MOGAT1: variants seen among roughly 807,000 people sequenced by gnomAD.
MOGAT1 encodes 2-acylglycerol O-acyltransferase 1.
A neutral mutation model predicts 31.4 loss-of-function variants in MOGAT1; 32 were observed. The ratio of observed to expected loss-of-function variants is 1.02; its 90% CI spans 0.77 to 1.37. MOGAT1 has a LOEUF of 1.37. Ranked by LOEUF, MOGAT1 falls within the 40% of genes most tolerant of loss-of-function variation. MOGAT1 has a pLI of 0.00. For synonymous variants in MOGAT1, 145 were observed against 144.5 expected (o/e 1.00, Z -0.03); for missense variants, 426 against 402.0 (o/e 1.06, Z -0.51).
At chr2:222,705,337 G>A (rs553703484) in intron 5 of MOGAT1, among the ~76,000 whole-genome samples, 1 of 152,306 alleles carries the variant, frequency 6.6e-6, no homozygotes, top group South Asian at 2.1e-4. Flanking sequence ...AACCATCTGG[G>A]AATGCAGCCC....
chr2:222,680,194 C>G (rs1218496832), intron 1 of MOGAT1, among the ~76,000 whole-genome samples: 4 of 152,192 alleles, frequency 2.6e-5, no homozygotes, highest in Non-Finnish European at 5.9e-5. Context: ...TAACATTACG[C>G]AAGGGATTCT....
intron 3 of MOGAT1, among the ~76,000 whole-genome samples, chr2:222,694,150 A>G (rs1257521556): frequency 6.6e-6 from 1 of 152,182 alleles, no homozygotes; most frequent in Non-Finnish European, 1.5e-5. Context: ...CATTTTAAAG[A>G]CCTAGCCCAT....
intron 2 of MOGAT1, among the ~76,000 whole-genome samples, chr2:222,688,956 T>C (rs1254185471): frequency 5.3e-5 from 8 of 152,148 alleles, no homozygotes. Flanking sequence ...CACCGTTGCG[T>C]TGGGGATTAA....
chr2:222,694,676 T>C (rs1692815669), intron 4 of MOGAT1, 140 bp downstream of exon 4: 3 of 801,720 alleles, frequency 3.7e-6, no homozygotes, highest in Admixed American at 3.1e-5. Flanking sequence ...GTGGATGTTC[T>C]TGGGGAATGG....
chr2:222,694,275 G>A, intron 3 of MOGAT1, 87 bp from the exon 4 acceptor site: 2 of 1,269,594 alleles, frequency 1.6e-6, no homozygotes, highest in Non-Finnish European at 2.1e-6. Context: ...TTTGTTAAAT[G>A]TTTACTATTG....
In MOGAT1 at chr2:222,695,226, C is replaced by A. The variant is rs150691945; in HGVS notation, c.791C>A (p.Ala264Asp). Reference sequence around the variant, plus strand: ...GGGTTTGCTTTGCCCCTGTTTCATGCCAGGGGAGTTTTTCAGTACAATTTT... The same window carrying A: ...GGGTTTGCTTTGCCCCTGTTTCATGACAGGGGAGTTTTTCAGTACAATTTT... ...IMGFALPLFH[A>D]RGVFQYNFGL... Residue 264 changes from alanine (A) to aspartate (D), a missense_variant, in exon 5 of 6, where the codon GCC becomes GAC. Ala to Asp is a moderately radical substitution (Grantham distance 126). Coordinates refer to ENST00000446656, the MANE Select transcript of MOGAT1 (RefSeq NM_058165.3). The A allele has an allele frequency of 5.2e-4, 835 of 1,613,436 alleles. 2 individuals carry two copies. In the African/African-American group the frequency reaches 7.9e-3, roughly 15 times the overall value.
At chr2:222,677,737 G>A in intron 1 of MOGAT1, 1 of 388,644 alleles carries the variant, frequency 2.6e-6, no homozygotes, top group South Asian at 2.3e-5. Flanking sequence ...TGGTGAAGAA[G>A]GAAGTTACTG....
At chr2:222,672,889 T>TTTATTA (rs58396282) in intron 1 of MOGAT1, among the ~76,000 whole-genome samples, 38,879 of 138,864 alleles carry the variant, frequency 0.28, 5,778 homozygotes, top group Middle Eastern at 0.34. Flanking sequence ...CTGGAATTTG[T>TTTATTA]TTATTATTAT....
chr2:222,685,849 C>T (rs1007120514), intron 1 of MOGAT1, among the ~76,000 whole-genome samples: 7 of 152,030 alleles, frequency 4.6e-5, no homozygotes, highest in African/African-American at 2.4e-5. Context: ...ATCCACCCAC[C>T]TCAGCCTCCC....
At chr2:222,677,512 A>G (rs1447108) in intron 1 of MOGAT1, among the ~76,000 whole-genome samples, 91,313 of 152,026 alleles carry the variant, frequency 0.6, 28,629 homozygotes, top group Middle Eastern at 0.78. Context: ...AATGACTGTT[A>G]TATTAGCTTC....
chr2:222,672,808 G>A (rs1251604508), intron 1 of MOGAT1, among the ~76,000 whole-genome samples: 1 of 151,710 alleles, frequency 6.6e-6, no homozygotes, highest in African/African-American at 2.4e-5. Context: ...TGAATCAGTG[G>A]TTCTCAACCC....
At chr2:222,703,703 A>ACACAGC (rs1433247300) in intron 5 of MOGAT1, among the ~76,000 whole-genome samples, 1 of 152,214 alleles carries the variant, frequency 6.6e-6, no homozygotes, top group South Asian at 2.1e-4. Context: ...CTTGTCGGCC[A>ACACAGC]CACAGCCCCT....
At chr2:222,702,967 G>A (rs2106044584) in intron 5 of MOGAT1, among the ~76,000 whole-genome samples, 1 of 152,074 alleles carries the variant, frequency 6.6e-6, no homozygotes, top group Admixed American at 6.5e-5. Flanking sequence ...TAATGTTAAG[G>A]GCACAAACAT....
chr2:222,698,631 AC>A (rs1692871850), intron 5 of MOGAT1: 1 of 152,022 alleles, frequency 6.6e-6, no homozygotes. Context: ...AATCACCTTC[AC>A]CTAATGGTTC....
intron 1 of MOGAT1, among the ~76,000 whole-genome samples, chr2:222,674,227 A>G (rs1353541100): frequency 1.3e-5 from 2 of 152,204 alleles, no homozygotes; most frequent in Non-Finnish European, 2.9e-5. Context: ...GATCCAATTC[A>G]CCTCAATGTT....
intron 1 of MOGAT1, among the ~76,000 whole-genome samples, chr2:222,685,863 G>C (rs1424087250): frequency 6.6e-6 from 1 of 151,802 alleles, no homozygotes; most frequent in African/African-American, 2.4e-5. Flanking sequence ...GCCTCCCAAA[G>C]TGCTGGGATT....
chr2:222,704,388 G>A, intron 5 of MOGAT1, among the ~76,000 whole-genome samples: 1 of 152,124 alleles, frequency 6.6e-6, no homozygotes, highest in Middle Eastern at 3.2e-3. Context: ...ACTTTGGGAG[G>A]CTGAGGCGGG....
At chr2:222,705,586 A>C (rs1692993636) in intron 5 of MOGAT1, among the ~76,000 whole-genome samples, 1 of 152,198 alleles carries the variant, frequency 6.6e-6, no homozygotes, top group Admixed American at 6.5e-5. Flanking sequence ...GCTGGAGCCC[A>C]TTCCTTGAAG....
intron 5 of MOGAT1, among the ~76,000 whole-genome samples, 155 bp from the exon 6 acceptor site, chr2:222,709,581 C>T (rs1693081360): frequency 6.6e-6 from 1 of 152,152 alleles, no homozygotes; most frequent in Non-Finnish European, 1.5e-5. Context: ...AGTGGTGTGA[C>T]CACTGCAGGC....
Sources: allele counts gnomAD v4.1 joint callset (sites outside exome capture counted in the v4.1 genomes callset), GRCh38; gene constraint gnomAD v4.1.1; transcripts MANE v1.5; gene names NCBI Gene and HGNC (gene_info 2026-07-23, HGNC 2026-07-21).